Variants in UNKL observed in about 807,000 individuals in gnomAD.
UNKL encodes unk like zinc finger, also known as putative E3 ubiquitin-protein ligase UNKL.
UNKL carries 60 observed loss-of-function variants against 78.0 expected under a neutral mutation model. The observed-to-expected ratio is 0.77, with a 90% CI of 0.63 to 0.95. The LOEUF (loss-of-function observed/expected upper bound fraction) is 0.95, where lower values mean the gene tolerates loss of function less well. Ranked by LOEUF, UNKL falls within the 40% of genes least tolerant of loss-of-function variation. The pLI is 0.00. For missense variants in UNKL, 1,159 were observed against 1,045.7 expected, an observed-to-expected ratio of 1.11 and a Z score of -1.49; for synonymous variants, 608 against 474.8, an observed-to-expected ratio of 1.28 and a Z score of -3.65.
At chr16:1,410,198 C>T (rs770177054) in intron 2 of UNKL, among the ~76,000 whole-genome samples, 1 of 150,342 alleles carries the variant, frequency 6.7e-6, no homozygotes, top group Non-Finnish European at 1.5e-5. Context: ...TCCGGGAGGT[C>T]GAGGCTGCAG....
rs960085708 is a variant in UNKL, at chr16:1,387,999, G to A, written c.1087-2614C>T. The stretch of plus-strand genomic sequence containing the variant: ...CCTGTGGATGTCCTCTCAGCTCCAT[G>A]ACCCCTGTGGGCGTCTCAGTCCTTG... On this transcript the variant is annotated intron_variant, in intron 9 of 14. Coordinates refer to ENST00000389221, the MANE Select transcript of UNKL (RefSeq NM_001372107.1). The surrounding 1 kb of genome is among the most constrained non-coding windows in gnomAD (Gnocchi z 4.1). Among the ~76,000 whole-genome samples, 1 of 152,150 alleles carries A rather than the reference G, an allele frequency of 6.6e-6. No individual in the cohort carries two copies. Among genetic ancestry groups the A allele is most frequent in the Non-Finnish European group, 1.5e-5 (1 of 68,016 alleles).
chr16:1,403,239 G>A lies in UNKL; in HGVS notation c.393C>T (p.Cys131=), dbSNP rs778397839. Residue 131 remains cysteine (C), a synonymous_variant, in exon 3 of 15, where the codon TGC becomes TGT. Transcript: ENST00000389221. This position sits in a 1 kb window ranked among gnomAD's most constrained non-coding sequence, Gnocchi z 4.8. ...AGGCACAGTGCAGCCCATTCTTCAC[G>A]CAGTGGCCACGTGCGTCTGTCTCGT... The part of the protein sequence containing the change: ...CIHETDARGH[C]VKNGLHCAFA... The A allele has an allele frequency of 1.5e-5, 25 of 1,614,002 alleles. No homozygotes were observed. The Admixed American group carries it at 1.7e-4, about 11-fold the overall frequency.
intron 4 of UNKL, among the ~76,000 whole-genome samples, chr16:1,400,247 C>A (rs1046951689): frequency 6.6e-6 from 1 of 151,512 alleles, no homozygotes; most frequent in South Asian, 2.1e-4. Context: ...AGTGAAACCC[C>A]GTCTCTACTA....
intron 2 of UNKL, among the ~76,000 whole-genome samples, chr16:1,409,665 C>CT (rs1208022888): frequency 1.3e-5 from 2 of 152,134 alleles, no homozygotes; most frequent in Non-Finnish European, 2.9e-5. Context: ...TTGAGCACAG[C>CT]TTGAAGTGAC....
intron 4 of UNKL, among the ~76,000 whole-genome samples, chr16:1,400,177 T>C (rs1163646421): frequency 6.6e-6 from 1 of 151,946 alleles, no homozygotes; most frequent in Non-Finnish European, 1.5e-5. Flanking sequence ...TCCCAGCACT[T>C]TGGGAGGCCG....
intron 10 of UNKL, among the ~76,000 whole-genome samples, chr16:1,381,135 C>T (rs1003324464): frequency 3.3e-5 from 5 of 152,222 alleles, no homozygotes; most frequent in Non-Finnish European, 4.4e-5. Context: ...GATGCAGCCA[C>T]GCCTCTGTCA....
intron 2 of UNKL, among the ~76,000 whole-genome samples, chr16:1,413,243 CAAAAAAA>C (rs546295462): frequency 8.4e-5 from 6 of 71,664 alleles, no homozygotes; most frequent in African/African-American, 3.3e-4. Context: ...GACCCTGTCT[CAAAAAAA>C]AAAAAAAAAA....
rs1037888919 is a variant in UNKL at position 1,370,149 on chromosome 16, G to A, written c.1566C>T (p.Ala522=). 1.3e-6 allele frequency: 2 copies of A among 1,520,104 alleles called. No homozygotes were observed. Among genetic ancestry groups the A allele is most frequent in the East Asian group, 2.5e-5 (1 of 40,434 alleles). The allele number at this position is 1,520,104 out of a possible 1,614,324, so 94.2% of individuals were successfully genotyped here. ...RSEPGTLGSA[A]SSYSPLGLNG... is the part of the protein sequence containing the mutation. The stretch of plus-strand genomic sequence containing the variant: ...ACTCACCTAGGGGGCTGTAGGATGA[G>A]GCTGCAGAGCCCAGTGTGCCCGGCT... Residue 522 remains alanine, a synonymous_variant, in exon 12 of 15, where the codon GCC becomes GCT. Coordinates refer to ENST00000389221, the MANE Select transcript of UNKL (RefSeq NM_001372107.1).
chr16:1,403,187 G>A lies in UNKL; in HGVS notation c.445C>T (p.Pro149Ser), dbSNP rs759743699. The change falls in exon 3 of 15, where the codon CCG becomes TCG. Residue 149 changes from proline (P) to serine (S), a missense_variant. Coordinates refer to ENST00000389221, the MANE Select transcript of UNKL (RefSeq NM_001372107.1). The surrounding 1 kb of genome is among the most constrained non-coding windows in gnomAD (Gnocchi z 4.8). ...ACTCACCTGACGTCACACACGGGCGGCCGCAGGTCCAGGGGGCCGTGCGCG... is the reference window on the plus strand; with the variant it reads ...ACTCACCTGACGTCACACACGGGCGACCGCAGGTCCAGGGGGCCGTGCGCG... ...AFAHGPLDLR[P>S]PVCDVRELQA... The A allele has an allele frequency of 8.1e-6, 13 of 1,612,722 alleles. No homozygotes were observed. The highest frequency in any genetic ancestry group is 1.1e-5 in the Non-Finnish European group (13 of 1,179,436).
chr16:1,399,146 G>T lies in UNKL; in HGVS notation c.734+228C>A. ...GGCAGAGGGGCCCCGGTAGGGGACT[G>T]CATGGGAGACACTGAGCGTAGGTGG... On this transcript the variant is annotated intron_variant, in intron 5 of 14. Coordinates refer to ENST00000389221, the MANE Select transcript of UNKL (RefSeq NM_001372107.1). The surrounding 1 kb of genome is among the most constrained non-coding windows in gnomAD (Gnocchi z 5.8). 8.9e-7 allele frequency: 1 copy of T among 1,118,840 alleles called. No homozygotes were observed. Among genetic ancestry groups the T allele is most frequent in the Non-Finnish European group, 1.2e-6 (1 of 814,138 alleles). The allele number at this position is 1,118,840 out of a possible 1,614,324, so 69.3% of individuals were successfully genotyped here. A position where few individuals can be genotyped will look rare whatever the true frequency, so the allele number is the denominator to read the frequency against.
chr16:1,389,596 A>C (rs1287212468), intron 9 of UNKL, among the ~76,000 whole-genome samples: 1 of 152,176 alleles, frequency 6.6e-6, no homozygotes, highest in Non-Finnish European at 1.5e-5. Flanking sequence ...GAATCTGTAA[A>C]AACACAACAG....
At position 1,402,141 on chromosome 16, in the gene UNKL, C is replaced by T. The variant is rs371348117; in HGVS notation, c.465-440G>A. Reference sequence around the variant, plus strand: ...CCAGACCATGTGCTGAGTTCGTTCTCCTGGAAAGCAGCAGTGCCTCACGGC... The same window carrying T: ...CCAGACCATGTGCTGAGTTCGTTCTTCTGGAAAGCAGCAGTGCCTCACGGC... On this transcript the variant is annotated intron_variant, in intron 3 of 14. Transcript: ENST00000389221. 9.2e-5 allele frequency among the ~76,000 whole-genome samples: 14 copies of T among 152,336 alleles called. No homozygotes were observed. The East Asian group carries it at 2.3e-3, about 25-fold the overall frequency.
rs770458712 is a variant in UNKL at position 1,401,649 on chromosome 16, C to T, written c.517G>A (p.Gly173Arg). The T allele has an allele frequency of 7.4e-6, 12 of 1,612,372 alleles. No homozygotes were observed. The South Asian group carries it at 1.3e-4, about 18-fold the overall frequency. The change falls in exon 4 of 15, where the codon GGG becomes AGG. Residue 173 changes from glycine to arginine, a missense_variant. Gly to Arg is a moderately radical substitution (Grantham distance 125, BLOSUM62 -2). Coordinates refer to ENST00000389221, the MANE Select transcript of UNKL (RefSeq NM_001372107.1). ...ACCCCAGGCTGCAGATCCGGGACCC[C>T]TTCCCCGCCGCCCAGCTGGCCGTTC... ...LQNGQLGGGEGVPDLQPGVLA... is the reference protein window; with the variant it reads ...LQNGQLGGGERVPDLQPGVLA...
rs1201472865 is a variant in UNKL at position 1,367,289 on chromosome 16, T to C, written c.1849A>G (p.Ser617Gly). 6 of 1,563,694 alleles carry C rather than the reference T, an allele frequency of 3.8e-6. No individual in the cohort carries two copies. The highest frequency in any genetic ancestry group is 1.4e-5 in the African/African-American group (1 of 73,536). ...TTCTGCAGCGCCAGCTGCCGGTCGC[T>C]ATCGGCCACACGGGCACGCTCCTTG... ...EAKERARVADSDRQLALQKKE... is the reference protein window; with the variant it reads ...EAKERARVADGDRQLALQKKE... The change falls in exon 14 of 15, where the codon AGC becomes GGC. Residue 617 changes from serine to glycine, a missense_variant. Ser to Gly is a moderately conservative substitution (Grantham distance 56). Coordinates refer to ENST00000389221, the MANE Select transcript of UNKL (RefSeq NM_001372107.1).
rs760377704 is a variant in UNKL at position 1,403,499 on chromosome 16, C to T, written c.288-155G>A. Among the ~76,000 whole-genome samples the T allele has an allele frequency of 6.6e-6, 1 of 152,148 alleles. No homozygotes were observed. The highest frequency in any genetic ancestry group is 2.1e-4 in the South Asian group (1 of 4,832). Reference sequence around the variant, plus strand: ...TAATCAGAAGGACGGACACACTGGACGCAGCACCTGTCCCCAAATGTGGAA... The same window carrying T: ...TAATCAGAAGGACGGACACACTGGATGCAGCACCTGTCCCCAAATGTGGAA... On this transcript the variant is annotated intron_variant, in intron 2 of 14. Transcript: ENST00000389221. This position sits in a 1 kb window ranked among gnomAD's most constrained non-coding sequence, Gnocchi z 4.8.
intron 10 of UNKL, among the ~76,000 whole-genome samples, chr16:1,374,489 C>T (rs893390848): frequency 3.3e-5 from 5 of 152,158 alleles, no homozygotes; most frequent in African/African-American, 9.7e-5. Flanking sequence ...AACCGCACCC[C>T]GGGGAAACCT....
rs1240740085 is a variant in UNKL, at chr16:1,387,933, C to T, written c.1087-2548G>A. Among the ~76,000 whole-genome samples, 1 of 152,126 alleles carries T rather than the reference C, an allele frequency of 6.6e-6. No individual in the cohort carries two copies. Among genetic ancestry groups the T allele is most frequent in the Non-Finnish European group, 1.5e-5 (1 of 68,006 alleles). ...AGGCTGAGGTTCCCCATGTCCTGAC[C>T]CACCAGTAGCCTAGAGGCCACCGCC... On this transcript the variant is annotated intron_variant, in intron 9 of 14. Transcript: ENST00000389221. This position sits in a 1 kb window ranked among gnomAD's most constrained non-coding sequence, Gnocchi z 4.1.
chr16:1,371,894 T>C (rs527880159), intron 10 of UNKL, among the ~76,000 whole-genome samples: 114 of 152,342 alleles, frequency 7.5e-4, no homozygotes, highest in African/African-American at 2.7e-3. Context: ...ACGCTGCTGC[T>C]GCCCCTCAGA....
At chr16:1,413,818 G>A (rs2038158586) in intron 2 of UNKL, 28 bp downstream of exon 2, 10 of 1,498,494 alleles carry the variant, frequency 6.7e-6, no homozygotes, top group Non-Finnish European at 8.0e-6. Flanking sequence ...CTCCGCCCAG[G>A]CAGCGGCGCC....
Sources: gnomAD v4.1 joint callset for allele counts (sites outside exome capture counted in the v4.1 genomes callset) on GRCh38, gnomAD v4.1.1 for gene constraint, Gnocchi (gnomAD v3.1) non-coding constraint, MANE v1.5 for transcripts, NCBI Gene and HGNC (gene_info 2026-07-23, HGNC 2026-07-21) for gene names.